The following NUDT9 variants were observed in gnomAD, a reference collection of about 807,000 sequenced individuals.
NUDT9 encodes the protein nudix hydrolase 9, also known as ADP-ribose pyrophosphatase.
A neutral mutation model predicts 41.0 loss-of-function variants in NUDT9; 31 were observed. That is an observed-to-expected ratio of 0.76 (90% CI 0.57 to 1.02). The LOEUF (loss-of-function observed/expected upper bound fraction) is 1.02. Ranked by LOEUF, NUDT9 falls within the 50% of genes least tolerant of loss-of-function variation. The pLI is 0.00. For missense variants in NUDT9, 380 were observed against 431.4 expected, an observed-to-expected ratio of 0.88 and a Z score of 1.06; for synonymous variants, 146 against 147.6, an observed-to-expected ratio of 0.99 and a Z score of 0.08.
chr4:87,441,771 A>C, intron 3 of NUDT9, 58 bp from the exon 4 acceptor site: 1 of 1,363,182 alleles, frequency 7.3e-7, no homozygotes. Context: ...GGTTATATCA[A>C]ATCAGGTTAA....
intron 3 of NUDT9, among the ~76,000 whole-genome samples, chr4:87,440,713 G>A (rs971403182): frequency 6.6e-6 from 1 of 152,116 alleles, no homozygotes; most frequent in Non-Finnish European, 1.5e-5. Flanking sequence ...GGGCGTGGTG[G>A]TGCATGCCTG....
In NUDT9 at chr4:87,426,396, GTCTTAATGT is replaced by G. The variant is rs374622229; in HGVS notation, c.107+3390_107+3398del. Among the ~76,000 whole-genome samples the G allele has an allele frequency of 9.9e-3, 1,498 of 151,734 alleles. 25 individuals carry two copies. Among genetic ancestry groups the G allele is most frequent in the African/African-American group, 0.034 (1,423 of 41,364 alleles). ...TTGGTAAACTTATTTACCTCTCTGG[GTCTTAATGT>G]TCTTATTTCCTTTTTTTTTTTTGAG... On this transcript the variant is annotated intron_variant, in intron 1 of 7. Coordinates refer to ENST00000302174, the MANE Select transcript of NUDT9 (RefSeq NM_024047.5).
At chr4:87,432,333 T>G (rs1217993926) in intron 1 of NUDT9, among the ~76,000 whole-genome samples, 1 of 152,208 alleles carries the variant, frequency 6.6e-6, no homozygotes, top group Non-Finnish European at 1.5e-5. Flanking sequence ...ACAGTTTTGG[T>G]TGTGACCCAT....
chr4:87,445,185 T>C (rs561485569), intron 4 of NUDT9: 4 of 152,332 alleles, frequency 2.6e-5, no homozygotes, highest in Admixed American at 2.6e-4. Flanking sequence ...AAATAGAGAC[T>C]CACTGGGGTT....
At position 87,432,108 on chromosome 4, in the gene NUDT9, C is replaced by T. The variant is rs113873296; in HGVS notation, c.108-2873C>T. On this transcript the variant is annotated intron_variant, in intron 1 of 7. Coordinates refer to ENST00000302174, the MANE Select transcript of NUDT9 (RefSeq NM_024047.5). ...ATCTTGGGTTTTCTACATAAAACAT[C>T]ATGCGATGTGTAAATACAGGTTGAG... Among the ~76,000 whole-genome samples the T allele has an allele frequency of 6.9e-3, 1,052 of 152,284 alleles. 8 individuals carry two copies. Among genetic ancestry groups the T allele is most frequent in the African/African-American group, 0.024 (991 of 41,548 alleles).
intron 2 of NUDT9, among the ~76,000 whole-genome samples, chr4:87,437,444 C>G (rs898297318): frequency 6.6e-6 from 1 of 151,870 alleles, no homozygotes; most frequent in African/African-American, 2.4e-5. Flanking sequence ...GGGTTCACGC[C>G]ATTCTCCTGC....
intron 4 of NUDT9, among the ~76,000 whole-genome samples, chr4:87,444,088 C>T (rs914159171): frequency 5.9e-5 from 9 of 152,098 alleles, no homozygotes; most frequent in Admixed American, 5.9e-4. Flanking sequence ...TATTTGTCAT[C>T]CTTTTAATTT....
At position 87,449,267 on chromosome 4, in the gene NUDT9, T is replaced by C. The variant is rs1174029032; in HGVS notation, c.642+14T>C. 4.4e-6 allele frequency: 6 copies of C among 1,372,298 alleles called. No individual in the cohort carries two copies. In the African/African-American group the frequency reaches 8.6e-5, roughly 20 times the overall value. The allele number at this position is 1,372,298 out of a possible 1,614,324, so 85.0% of individuals were successfully genotyped here. Reference sequence around the variant, plus strand: ...GCAATCCCAGGGGTAAGCATTAAAATTAAATTAGTGTTTAAGTTCCTTTTA... The same window carrying C: ...GCAATCCCAGGGGTAAGCATTAAAACTAAATTAGTGTTTAAGTTCCTTTTA... On this transcript the variant is annotated intron_variant, in intron 5 of 7. Coordinates refer to ENST00000302174, the MANE Select transcript of NUDT9 (RefSeq NM_024047.5).
At chr4:87,446,247 CTT>C (rs386400738) in intron 4 of NUDT9, among the ~76,000 whole-genome samples, 8 of 124,194 alleles carry the variant, frequency 6.4e-5, no homozygotes, top group Admixed American at 9.1e-5. Context: ...CTTATCTTTC[CTT>C]TTTTTTTTTT....
intron 4 of NUDT9, among the ~76,000 whole-genome samples, chr4:87,445,708 A>G (rs1411433955): frequency 1.3e-5 from 2 of 152,232 alleles, no homozygotes; most frequent in African/African-American, 4.8e-5. Context: ...ACTGATATTC[A>G]GTAAATGTTT....
intron 1 of NUDT9, among the ~76,000 whole-genome samples, chr4:87,433,945 C>A (rs1055147091): frequency 6.6e-6 from 1 of 152,000 alleles, no homozygotes; most frequent in South Asian, 2.1e-4. Flanking sequence ...TTTCTATTTT[C>A]CTGTTTTTCC....
intron 2 of NUDT9, among the ~76,000 whole-genome samples, chr4:87,437,066 T>A (rs1473478428): frequency 6.6e-6 from 1 of 151,832 alleles, no homozygotes; most frequent in Non-Finnish European, 1.5e-5. Flanking sequence ...TTGGCAAACA[T>A]GATGAAACCC....
chr4:87,452,156 C>T (rs1722745739), intron 6 of NUDT9, among the ~76,000 whole-genome samples: 1 of 152,056 alleles, frequency 6.6e-6, no homozygotes. Flanking sequence ...GCTTCCACCA[C>T]CACGCCCGGC....
rs150756159 is a variant in NUDT9 at position 87,451,356 on chromosome 4, G to T, written c.643-233G>T. 5.5e-4 allele frequency among the ~76,000 whole-genome samples: 84 copies of T among 152,274 alleles called. No homozygotes were observed. The East Asian group carries it at 0.014, about 26-fold the overall frequency. Reference sequence around the variant, plus strand: ...GAGTTTGGCAAGTACCAGGAAATTGGTTTGATTGCCATAGGCTAACCTTGG... The same window carrying T: ...GAGTTTGGCAAGTACCAGGAAATTGTTTTGATTGCCATAGGCTAACCTTGG... On this transcript the variant is annotated intron_variant, in intron 5 of 7. Transcript: ENST00000302174.
chr4:87,424,253 CGTTT>C (rs1291446351), intron 1 of NUDT9, among the ~76,000 whole-genome samples: 1,115 of 103,908 alleles, frequency 0.011, 11 homozygotes, highest in African/African-American at 0.038. Context: ...CTCCCTAATG[CGTTT>C]TTTTTTTTTT....
intron 4 of NUDT9, among the ~76,000 whole-genome samples, chr4:87,448,816 C>T (rs1186335207): frequency 6.6e-6 from 1 of 152,110 alleles, no homozygotes; most frequent in Non-Finnish European, 1.5e-5. Context: ...TTTTAAAAAA[C>T]TTTGATAACC....
chr4:87,434,628 T>TC (rs943238289), intron 1 of NUDT9, among the ~76,000 whole-genome samples: 7 of 122,924 alleles, frequency 5.7e-5, no homozygotes, highest in Non-Finnish European at 1.1e-4. Context: ...ATTAGGTTCT[T>TC]TTTTTTTTTG....
chr4:87,427,620 T>C (rs2110158857), intron 1 of NUDT9, among the ~76,000 whole-genome samples: 1 of 152,308 alleles, frequency 6.6e-6, no homozygotes, highest in Non-Finnish European at 1.5e-5. Context: ...GTCAAGTAGG[T>C]AGATTTGTGG....
At chr4:87,455,399 C>A (rs1032296436) in intron 7 of NUDT9, among the ~76,000 whole-genome samples, 4 of 152,146 alleles carry the variant, frequency 2.6e-5, no homozygotes, top group African/African-American at 9.7e-5. Flanking sequence ...GTCTGTACAA[C>A]TTTAGTACTG....
Sources: gnomAD v4.1 joint callset for allele counts (sites outside exome capture counted in the v4.1 genomes callset) on GRCh38, gnomAD v4.1.1 for gene constraint, MANE v1.5 for transcripts, NCBI Gene and HGNC (gene_info 2026-07-23, HGNC 2026-07-21) for gene names.